The following RAP1GAP2 variants were observed in gnomAD, a reference collection of about 807,000 sequenced individuals.
RAP1GAP2 encodes the protein rap1 GTPase-activating protein 2.
A neutral mutation model predicts 95.0 loss-of-function variants in RAP1GAP2; 27 were observed. That is an observed-to-expected ratio of 0.28 (90% confidence interval 0.21 to 0.39). The LOEUF (loss-of-function observed/expected upper bound fraction) is 0.39. Ranked by LOEUF, RAP1GAP2 falls within the 10% of genes least tolerant of loss-of-function variation. The probability of loss-of-function intolerance (pLI) is 1.00; values close to 1 mark genes in which losing one functional copy is unlikely to be tolerated. For missense variants in RAP1GAP2, 771 were observed against 970.0 expected (o/e 0.79, Z 2.72); for synonymous variants, 373 against 380.9 (o/e 0.98, Z 0.24).
intron 2 of RAP1GAP2, among the ~76,000 whole-genome samples, chr17:2,805,694 T>C (rs1243228829): frequency 1.3e-5 from 2 of 152,088 alleles, no homozygotes; most frequent in African/African-American, 2.4e-5. Flanking sequence ...TCCTTTTTGC[T>C]ACCCTCTGTG....
At chr17:2,840,559 G>C (rs759617946) in intron 2 of RAP1GAP2, among the ~76,000 whole-genome samples, 1 of 151,986 alleles carries the variant, frequency 6.6e-6, no homozygotes, top group Non-Finnish European at 1.5e-5. Flanking sequence ...ATGTTTCCCA[G>C]GCTGGGCTCA....
chr17:2,784,943 C>T (rs1457483044), intron 1 of RAP1GAP2, among the ~76,000 whole-genome samples: 32 of 152,242 alleles, frequency 2.1e-4, no homozygotes, highest in Admixed American at 2.1e-3. Context: ...GAGGCCTGAA[C>T]ATGCTGTGTT....
chr17:3,033,284 G>C lies in RAP1GAP2; in HGVS notation c.*31-108G>C, dbSNP rs1240192022. 1 of 152,440 alleles carries C rather than the reference G, an allele frequency of 6.6e-6. No individual in the cohort carries two copies. Among genetic ancestry groups the C allele is most frequent in the Non-Finnish European group, 1.5e-5 (1 of 68,066 alleles). The allele number at this position is 152,440 out of a possible 1,614,324, so 9.4% of individuals were successfully genotyped here. A position where few individuals can be genotyped will look rare whatever the true frequency, so the allele number is the denominator to read the frequency against. ...TGCTCCTGAGTGTATCCAGTGAGCTGTAGCCATGGGCAGGCGTGTTCCCCA... is the reference window on the plus strand; with the variant it reads ...TGCTCCTGAGTGTATCCAGTGAGCTCTAGCCATGGGCAGGCGTGTTCCCCA... On this transcript the variant is annotated intron_variant, in intron 24 of 24. Transcript: ENST00000254695. The surrounding 1 kb of genome is among the most constrained non-coding windows in gnomAD (Gnocchi z 4.9).
chr17:2,785,861 T>C (rs1008430033), intron 1 of RAP1GAP2, among the ~76,000 whole-genome samples: 21 of 151,584 alleles, frequency 1.4e-4, no homozygotes, highest in African/African-American at 4.6e-4. Flanking sequence ...GGAGGGAGAC[T>C]GTGGTATGGT....
chr17:2,884,372 G>GTTTTT (rs72123618), intron 2 of RAP1GAP2, among the ~76,000 whole-genome samples: 16 of 123,730 alleles, frequency 1.3e-4, no homozygotes, highest in Non-Finnish European at 2.2e-4. Context: ...TTCTTGAGTT[G>GTTTTT]TTTTTTTTTT....
rs1597574182 is a variant in RAP1GAP2, at chr17:2,906,202, C to T, written c.165+834C>T. Among the ~76,000 whole-genome samples, 1 of 152,226 alleles carries T rather than the reference C, an allele frequency of 6.6e-6. No homozygotes were observed. The highest frequency in any genetic ancestry group is 1.9e-4 in the East Asian group (1 of 5,164). ...TGAGGGGACATCTAGGCCAGCTCCTCTCTGTCCTGGGGCTGTGCTCTGAGT... is the reference window on the plus strand; with the variant it reads ...TGAGGGGACATCTAGGCCAGCTCCTTTCTGTCCTGGGGCTGTGCTCTGAGT... On this transcript the variant is annotated intron_variant, in intron 3 of 24. Coordinates refer to ENST00000254695, the MANE Select transcript of RAP1GAP2 (RefSeq NM_015085.5). This position sits in a 1 kb window ranked among gnomAD's most constrained non-coding sequence, Gnocchi z 4.3.
chr17:2,851,863 G>C (rs1263484228), intron 2 of RAP1GAP2, among the ~76,000 whole-genome samples: 3 of 152,154 alleles, frequency 2.0e-5, no homozygotes, highest in Non-Finnish European at 4.4e-5. Flanking sequence ...TTACAGGTGT[G>C]AGCCACCCTG....
intron 2 of RAP1GAP2, among the ~76,000 whole-genome samples, chr17:2,848,377 C>T (rs569255457): frequency 1.2e-4 from 19 of 152,110 alleles, no homozygotes; most frequent in Middle Eastern, 3.4e-3. Context: ...TATCACGGAA[C>T]GACCCTATTG....
chr17:2,918,610 AG>A (rs780943897), intron 3 of RAP1GAP2, among the ~76,000 whole-genome samples: 1 of 151,974 alleles, frequency 6.6e-6, no homozygotes, highest in Non-Finnish European at 1.5e-5. Context: ...CAAGAGAGCA[AG>A]GGAGGGTGCC....
At chr17:2,772,979 C>T (rs988239800), upstream of RAP1GAP2, among the ~76,000 whole-genome samples, 2 of 151,874 alleles carry the variant, frequency 1.3e-5, no homozygotes, top group African/African-American at 4.8e-5. Flanking sequence ...CTGCCTCAGC[C>T]TCCCTAGTAG....
intron 1 of RAP1GAP2, among the ~76,000 whole-genome samples, chr17:2,787,990 T>C (rs914460203): frequency 6.6e-6 from 1 of 152,260 alleles, no homozygotes; most frequent in Non-Finnish European, 1.5e-5. Context: ...GCAATGTAGT[T>C]AATCCTCAGT....
At chr17:2,961,859 C>G (rs2044343985) in intron 4 of RAP1GAP2, among the ~76,000 whole-genome samples, 1 of 149,694 alleles carries the variant, frequency 6.7e-6, no homozygotes, top group African/African-American at 2.5e-5. Flanking sequence ...TCCTATGTTT[C>G]CCTTCCCTTA....
At position 2,796,638 on chromosome 17, in the gene RAP1GAP2, C is replaced by T; in HGVS notation, c.44+67C>T. 2 of 1,530,036 alleles carry T rather than the reference C, an allele frequency of 1.3e-6. No homozygotes were observed. Among genetic ancestry groups the T allele is most frequent in the African/African-American group, 1.4e-5 (1 of 72,756 alleles). The allele number at this position is 1,530,036 out of a possible 1,614,324, so 94.8% of individuals were successfully genotyped here. A position where few individuals can be genotyped will look rare whatever the true frequency, so the allele number is the denominator to read the frequency against. On this transcript the variant is annotated intron_variant, in intron 1 of 24. Coordinates refer to ENST00000254695, the MANE Select transcript of RAP1GAP2 (RefSeq NM_015085.5). The surrounding 1 kb of genome is among the most constrained non-coding windows in gnomAD (Gnocchi z 4.7). ...CTTAGAAGTGAAGTCTTGTTAAGTGCATTGGCGGCCGTGGGAACAGAGGGG... is the reference window on the plus strand; with the variant it reads ...CTTAGAAGTGAAGTCTTGTTAAGTGTATTGGCGGCCGTGGGAACAGAGGGG...
At chr17:2,917,057 G>T (rs886955042) in intron 3 of RAP1GAP2, among the ~76,000 whole-genome samples, 1 of 152,166 alleles carries the variant, frequency 6.6e-6, no homozygotes, top group African/African-American at 2.4e-5. Context: ...GAACCTTCTT[G>T]CCCTCTCTGT....
At position 2,920,375 on chromosome 17, in the gene RAP1GAP2, C is replaced by G. The variant is rs149115491; in HGVS notation, c.165+15007C>G. On this transcript the variant is annotated intron_variant, in intron 3 of 24. Transcript: ENST00000254695. Reference sequence around the variant, plus strand: ...CCAGGGGATGCCCCCAGGGGCCCCCCAACCCCCGCCCCAGGCATGCCACCT... The same window carrying G: ...CCAGGGGATGCCCCCAGGGGCCCCCGAACCCCCGCCCCAGGCATGCCACCT... Among the ~76,000 whole-genome samples the G allele has an allele frequency of 4.1e-3, 626 of 152,298 alleles. 6 individuals are homozygous for G. The highest frequency in any genetic ancestry group is 0.014 in the African/African-American group (590 of 41,572).
Position 3,030,998 on chromosome 17 carries a change from G to C in RAP1GAP2, c.2184G>C (p.Ala728=). The change falls in exon 23 of 25, where the codon GCG becomes GCC. Residue 728 remains alanine, a splice_region_variant and synonymous_variant. Coordinates refer to ENST00000254695, the MANE Select transcript of RAP1GAP2 (RefSeq NM_015085.5). ...FDKLSHASSG[A]GH ...AGCTCAGCCATGCCAGCTCTGGTGC[G>C]GTAAGGATGCGCCTCCCACACCCCA... is the stretch of plus-strand genomic sequence containing the variant. 1 of 1,601,604 alleles carries C rather than the reference G, an allele frequency of 6.2e-7. No homozygotes were observed. The highest frequency in any genetic ancestry group is 8.5e-7 in the Non-Finnish European group (1 of 1,173,534).
At chr17:2,794,370 G>T (rs2069011321), upstream of RAP1GAP2, among the ~76,000 whole-genome samples, 1 of 152,168 alleles carries the variant, frequency 6.6e-6, no homozygotes, top group African/African-American at 2.4e-5. Context: ...TGGAGGCAGG[G>T]CAGGCAGGAC....
chr17:2,880,077 G>C (rs1358606127), intron 2 of RAP1GAP2, among the ~76,000 whole-genome samples: 1 of 152,172 alleles, frequency 6.6e-6, no homozygotes, highest in Non-Finnish European at 1.5e-5. Context: ...TGGGAGCAGG[G>C]GGCTGGGAGC....
At chr17:2,841,292 A>C (rs1473159718) in intron 2 of RAP1GAP2, among the ~76,000 whole-genome samples, 1 of 145,700 alleles carries the variant, frequency 6.9e-6, no homozygotes, top group Non-Finnish European at 1.5e-5. Context: ...AAGTTACAAG[A>C]GATATGGGGA....
Sources: allele counts gnomAD v4.1 joint callset (sites outside exome capture counted in the v4.1 genomes callset), GRCh38; gene constraint gnomAD v4.1.1; non-coding constraint Gnocchi (gnomAD v3.1); transcripts MANE v1.5; gene names NCBI Gene and HGNC (gene_info 2026-07-23, HGNC 2026-07-21).